The following COL21A1 variants were observed in gnomAD, a reference collection of about 807,000 sequenced individuals.
COL21A1 encodes collagen type XXI alpha 1 chain, also known as collagen alpha-1(XXI) chain.
A neutral mutation model predicts 137.9 loss-of-function variants in COL21A1; 149 were observed. That is an observed-to-expected ratio of 1.08 (90% CI 0.95 to 1.24). COL21A1 has a LOEUF of 1.24. COL21A1 is among the 50% of genes most tolerant of loss of function. The probability of loss-of-function intolerance (pLI) is 0.00; values close to 1 mark genes in which losing one functional copy is unlikely to be tolerated. For missense variants in COL21A1, 1,167 were observed against 1,158.4 expected, an observed-to-expected ratio of 1.01 and a Z score of -0.11; for synonymous variants, 456 against 391.5, an observed-to-expected ratio of 1.16 and a Z score of -1.95.
intron 12 of COL21A1, among the ~76,000 whole-genome samples, chr6:56,136,923 C>G (rs1179661242): frequency 1.3e-5 from 2 of 152,110 alleles, no homozygotes; most frequent in Non-Finnish European, 2.9e-5. Context: ...CATCTTCTCC[C>G]TCCCCTGCCT....
chr6:56,114,326 A>G (rs1654586698), intron 16 of COL21A1, among the ~76,000 whole-genome samples: 1 of 152,184 alleles, frequency 6.6e-6, no homozygotes, highest in African/African-American at 2.4e-5. Context: ...GGGTGCTTGT[A>G]TCACTCCATC....
At chr6:56,130,275 A>G (rs1773451263) in intron 12 of COL21A1, among the ~76,000 whole-genome samples, 1 of 147,348 alleles carries the variant, frequency 6.8e-6, no homozygotes, top group Non-Finnish European at 1.5e-5. Flanking sequence ...ATATACATGT[A>G]TATTATATAT....
intron 10 of COL21A1, 143 bp from the exon 11 acceptor site, chr6:56,142,126 A>C: frequency 1.6e-6 from 1 of 611,334 alleles, no homozygotes; most frequent in African/African-American, 1.8e-5. Flanking sequence ...TAAAGTGTTA[A>C]ATGCTTAATA....
intron 1 of COL21A1, among the ~76,000 whole-genome samples, chr6:56,320,464 T>C (rs1484354408): frequency 6.6e-6 from 1 of 151,832 alleles, no homozygotes; most frequent in East Asian, 1.9e-4. Context: ...TCCTATCTTA[T>C]CCAGGGTCAA....
At chr6:56,291,567 C>A (rs1032351830) in intron 1 of COL21A1, among the ~76,000 whole-genome samples, 1 of 152,208 alleles carries the variant, frequency 6.6e-6, no homozygotes, top group Non-Finnish European at 1.5e-5. Flanking sequence ...AAATGCGGGT[C>A]GCAGAGTCTA....
At chr6:56,334,736 G>A (rs1228197050) in intron 1 of COL21A1, among the ~76,000 whole-genome samples, 1 of 152,118 alleles carries the variant, frequency 6.6e-6, no homozygotes. Context: ...CTATTGGAAG[G>A]TAGGGCCTTT....
Position 56,171,110 on chromosome 6 carries a change from C to T in COL21A1, c.659G>A (p.Arg220Gln), listed in dbSNP as rs267601087. The T allele has an allele frequency of 2.0e-5, 32 of 1,602,282 alleles. No homozygotes were observed. Among genetic ancestry groups the T allele is most frequent in the Middle Eastern group, 1.7e-4 (1 of 5,936 alleles). Reference sequence around the variant, plus strand: ...TTCATCACGAGCTGCCACTGGAATTCGTGTTGGACAGACAGATTCTATAAA... The same window carrying T: ...TTCATCACGAGCTGCCACTGGAATTTGTGTTGGACAGACAGATTCTATAAA... ...KLCEESVCPT[R>Q]IPVAARDERG... Residue 220 changes from arginine to glutamine, a missense_variant, in exon 4 of 30, where the codon CGA (arginine) becomes CAA (glutamine). Arg to Gln is a conservative substitution (Grantham distance 43, BLOSUM62 1). Coordinates refer to ENST00000244728, the MANE Select transcript of COL21A1 (RefSeq NM_030820.4).
At chr6:56,207,924 T>C (rs990094333) in intron 1 of COL21A1, among the ~76,000 whole-genome samples, 1 of 151,922 alleles carries the variant, frequency 6.6e-6, no homozygotes, top group African/African-American at 2.4e-5. Flanking sequence ...ACAGCACCAA[T>C]GACAAAAATC....
chr6:56,356,153 GAAT>G (rs1201353900), intron 1 of COL21A1, among the ~76,000 whole-genome samples: 1 of 152,182 alleles, frequency 6.6e-6, no homozygotes, highest in African/African-American at 2.4e-5. Context: ...ACCAAGAACA[GAAT>G]AATGAGTTCT....
intron 1 of COL21A1, among the ~76,000 whole-genome samples, chr6:56,202,469 T>C (rs779533813): frequency 2.0e-5 from 3 of 152,220 alleles, no homozygotes; most frequent in Non-Finnish European, 4.4e-5. Flanking sequence ...CCTCAAATCG[T>C]ACTTGGCAAA....
At chr6:56,212,592 G>A (rs1259694788) in intron 1 of COL21A1, among the ~76,000 whole-genome samples, 1 of 151,924 alleles carries the variant, frequency 6.6e-6, no homozygotes, top group Non-Finnish European at 1.5e-5. Flanking sequence ...AAACAAAAGT[G>A]CTTAACACTA....
At chr6:56,176,763 T>C (rs191287893) in intron 3 of COL21A1, among the ~76,000 whole-genome samples, 12 of 151,480 alleles carry the variant, frequency 7.9e-5, no homozygotes, top group Admixed American at 7.9e-4. Flanking sequence ...TGATTCACAA[T>C]ACTGTACACT....
chr6:56,267,692 G>A (rs1252369631), intron 1 of COL21A1, among the ~76,000 whole-genome samples: 2 of 151,132 alleles, frequency 1.3e-5, no homozygotes, highest in African/African-American at 4.9e-5. Flanking sequence ...AGGAGGTGGA[G>A]GTTGCAGTGA....
intron 1 of COL21A1, among the ~76,000 whole-genome samples, chr6:56,377,286 G>T (rs1162474498): frequency 6.6e-6 from 1 of 152,054 alleles, no homozygotes; most frequent in Non-Finnish European, 1.5e-5. Context: ...ACCGCGCCCG[G>T]CCCGGAAAAA....
chr6:56,388,979 A>G (rs2094023846), intron 1 of COL21A1, among the ~76,000 whole-genome samples: 1 of 152,214 alleles, frequency 6.6e-6, no homozygotes, highest in Middle Eastern at 3.2e-3. Flanking sequence ...AATTCAATTG[A>G]CAAACTGAAA....
intron 14 of COL21A1, among the ~76,000 whole-genome samples, chr6:56,124,862 G>T (rs1348519807): frequency 2.6e-5 from 4 of 151,948 alleles, no homozygotes; most frequent in Non-Finnish European, 5.9e-5. Context: ...AGCCAGGATG[G>T]TCTCGATCTC....
At position 56,060,771 on chromosome 6, in the gene COL21A1, T is replaced by TA; in HGVS notation, c.2376dup (p.Ile793TyrfsTer23). ...ATTACATCTGTGCAAACTTGTCGAA[T>TA]AAATTGTTCTGAAAACTCTCTTCCC... On this transcript the variant is annotated frameshift_variant, in exon 27 of 30. Coordinates refer to ENST00000244728, the MANE Select transcript of COL21A1 (RefSeq NM_030820.4). LOFTEE classifies it high-confidence loss of function. 6.2e-7 allele frequency: 1 copy of TA among 1,610,214 alleles called. No homozygotes were observed. Among genetic ancestry groups the TA allele is most frequent in the Non-Finnish European group, 8.5e-7 (1 of 1,178,946 alleles).
chr6:56,287,587 C>T (rs1200753208), intron 1 of COL21A1, among the ~76,000 whole-genome samples: 1 of 152,032 alleles, frequency 6.6e-6, no homozygotes, highest in African/African-American at 2.4e-5. Context: ...TTCGCCTTTA[C>T]CATGATTGTA....
At chr6:56,260,695 G>GTAA (rs1763244688) in intron 1 of COL21A1, among the ~76,000 whole-genome samples, 1 of 125,768 alleles carries the variant, frequency 8.0e-6, no homozygotes, top group Admixed American at 9.6e-5. Context: ...AAGGAAGGCA[G>GTAA]GCAGGCAGGC....
Sources: allele counts gnomAD v4.1 joint callset (sites outside exome capture counted in the v4.1 genomes callset), GRCh38; gene constraint gnomAD v4.1.1; transcripts MANE v1.5; gene names NCBI Gene and HGNC (gene_info 2026-07-23, HGNC 2026-07-21).